The following SCAP variants were observed in gnomAD, a reference collection of about 807,000 sequenced individuals.
SCAP encodes sterol regulatory element-binding protein cleavage-activating protein.
A neutral mutation model predicts 123.6 loss-of-function variants in SCAP; 65 were observed. The observed-to-expected ratio is 0.53, with a 90% CI of 0.43 to 0.65. The LOEUF is 0.65. SCAP is among the 30% of genes least tolerant of loss of function. The pLI, the probability that SCAP is intolerant of heterozygous loss-of-function variation, is 0.00. For synonymous variants in SCAP, 740 were observed against 726.3 expected (o/e 1.02, Z -0.30); for missense variants, 1,398 against 1,712.5 (o/e 0.82, Z 3.24).
chr3:47,434,478 C>T (rs1425574981), intron 3 of SCAP, among the ~76,000 whole-genome samples: 1 of 152,204 alleles, frequency 6.6e-6, no homozygotes, highest in African/African-American at 2.4e-5. Flanking sequence ...GGCCCAGAGA[C>T]AGTCAACTGA....
At chr3:47,433,883 A>T (rs1706463964) in intron 3 of SCAP, among the ~76,000 whole-genome samples, 1 of 152,186 alleles carries the variant, frequency 6.6e-6, no homozygotes. Context: ...CAATAAAAAA[A>T]AAATGGTTAA....
intron 1 of SCAP, among the ~76,000 whole-genome samples, chr3:47,473,089 A>AAAAAAAAAAAAAAAAAAAAAAAG (rs1416676813): frequency 6.9e-6 from 1 of 145,906 alleles, no homozygotes; most frequent in Non-Finnish European, 1.5e-5. Flanking sequence ...TCAAAAAAAA[A>AAAAAAAAAAAAAAAAAAAAAAAG]AAAAAAAAAA....
chr3:47,420,216 A>G lies in SCAP; in HGVS notation c.1563+338T>C, dbSNP rs973262889. 1.1e-4 allele frequency among the ~76,000 whole-genome samples: 16 copies of G among 152,204 alleles called. No homozygotes were observed. The highest frequency in any genetic ancestry group is 2.6e-4 in the Admixed American group (4 of 15,278). Reference sequence around the variant, plus strand: ...ACTTTCCAGTGTCTGCACACCATGCAGCGGCCGATGAACCCGACCCAGGGC... The same window carrying G: ...ACTTTCCAGTGTCTGCACACCATGCGGCGGCCGATGAACCCGACCCAGGGC... On this transcript the variant is annotated intron_variant, in intron 12 of 22. Transcript: ENST00000265565. The surrounding 1 kb of genome is among the most constrained non-coding windows in gnomAD (Gnocchi z 5.0).
chr3:47,451,460 C>G (rs1410112326), intron 1 of SCAP, among the ~76,000 whole-genome samples: 1 of 105,722 alleles, frequency 9.5e-6, no homozygotes, highest in African/African-American at 3.3e-5. Flanking sequence ...TGCAGTGGCA[C>G]GATCATGGCT....
At chr3:47,442,747 A>G (rs887637220) in intron 2 of SCAP, 125 bp downstream of exon 2, 6 of 794,784 alleles carry the variant, frequency 7.5e-6, no homozygotes, top group South Asian at 3.5e-5. Context: ...TCACAGTTAT[A>G]AGGAGCCCAA....
intron 2 of SCAP, among the ~76,000 whole-genome samples, chr3:47,440,860 C>T (rs1706771426): frequency 6.6e-6 from 1 of 150,628 alleles, no homozygotes; most frequent in African/African-American, 2.4e-5. Context: ...GACCCTGTCT[C>T]AAGGAAGAAA....
chr3:47,443,316 C>G (rs538530597), intron 1 of SCAP: 2 of 230,768 alleles, frequency 8.7e-6, no homozygotes, highest in African/African-American at 5.0e-5. Context: ...TCTCTCCCTC[C>G]CCGCCCAACT....
rs1051265406 is a variant in SCAP, at chr3:47,439,084, C to T, written c.122+3788G>A. On this transcript the variant is annotated intron_variant, in intron 2 of 22. Coordinates refer to ENST00000265565, the MANE Select transcript of SCAP (RefSeq NM_012235.4). This position sits in a 1 kb window ranked among gnomAD's most constrained non-coding sequence, Gnocchi z 4.0. ...ACGATGGGGTTATGTCCTGATAACGCTGTCGTAAATTGAAAATATCCTAAG... is the reference window on the plus strand; with the variant it reads ...ACGATGGGGTTATGTCCTGATAACGTTGTCGTAAATTGAAAATATCCTAAG... 1.3e-5 allele frequency among the ~76,000 whole-genome samples: 2 copies of T among 152,066 alleles called. No homozygotes were observed. Among genetic ancestry groups the T allele is most frequent in the Non-Finnish European group, 2.9e-5 (2 of 68,030 alleles).
At chr3:47,415,735 C>G (rs899111440) in intron 18 of SCAP, among the ~76,000 whole-genome samples, 2 of 152,182 alleles carry the variant, frequency 1.3e-5, no homozygotes, top group African/African-American at 4.8e-5. Context: ...AACCCCAAAG[C>G]CTCAAAGCAG....
At chr3:47,425,824 C>T (rs555207887) in intron 7 of SCAP, among the ~76,000 whole-genome samples, 173 bp downstream of exon 7, 33 of 152,052 alleles carry the variant, frequency 2.2e-4, no homozygotes, top group African/African-American at 3.6e-4. Context: ...GGAAGAGCCC[C>T]GGCCCCACCC....
chr3:47,463,452 A>G (rs960097557), intron 1 of SCAP, among the ~76,000 whole-genome samples: 3 of 152,222 alleles, frequency 2.0e-5, no homozygotes, highest in African/African-American at 7.2e-5. Context: ...CTGTAATCCC[A>G]GCACTTTGGG....
At chr3:47,471,115 T>C (rs954491484) in intron 1 of SCAP, among the ~76,000 whole-genome samples, 1 of 152,080 alleles carries the variant, frequency 6.6e-6, no homozygotes, top group Non-Finnish European at 1.5e-5. Flanking sequence ...ATAATAAATA[T>C]TAAAAAACAA....
chr3:47,430,865 T>TG (rs1706330162), intron 3 of SCAP, among the ~76,000 whole-genome samples: 2 of 151,878 alleles, frequency 1.3e-5, no homozygotes, highest in African/African-American at 4.8e-5. Flanking sequence ...GGCATGCGTG[T>TG]GGATGAAAGG....
chr3:47,424,018 AACC>A lies in SCAP; in HGVS notation c.1062_1064del (p.Val355del). On this transcript the variant is annotated inframe_deletion, in exon 9 of 23. Coordinates refer to ENST00000265565, the MANE Select transcript of SCAP (RefSeq NM_012235.4). Reference sequence around the variant, plus strand: ...GCACCAACACATTCTCTAACCCAATAACCACCACAAGGTAGGGGAAAATCTCGC... The same window carrying A: ...GCACCAACACATTCTCTAACCCAATAACCACAAGGTAGGGGAAAATCTCGC... 3 of 1,614,038 alleles carry A rather than the reference AACC, an allele frequency of 1.9e-6. No homozygotes were observed. Among genetic ancestry groups the A allele is most frequent in the Non-Finnish European group, 2.5e-6 (3 of 1,179,926 alleles).
chr3:47,443,215 G>C (rs1335901867), intron 1 of SCAP, 124 bp from the exon 2 acceptor site: 1 of 546,808 alleles, frequency 1.8e-6, no homozygotes, highest in Admixed American at 3.3e-5. Flanking sequence ...GCAAGGTCTA[G>C]TGACCTCAAT....
rs761523075 is a variant in SCAP, at chr3:47,450,075, G to A, written c.-98-6984C>T. Among the ~76,000 whole-genome samples the A allele has an allele frequency of 4.0e-5, 5 of 125,034 alleles. 1 individual carries two copies. Among genetic ancestry groups the A allele is most frequent in the Admixed American group, 8.8e-5 (1 of 11,392 alleles). The allele number at this position is 125,034 out of a possible 152,430, so 82.0% of individuals were successfully genotyped here. A position where few individuals can be genotyped will look rare whatever the true frequency, so the allele number is the denominator to read the frequency against. ...TGCAGTGGCGTGATCTCGGCTCACC[G>A]CAACCTCCGCCTCCTGGGCTCAAGC... On this transcript the variant is annotated intron_variant, in intron 1 of 22. Transcript: ENST00000265565.
chr3:47,418,402 G>A lies in SCAP; in HGVS notation c.2250C>T (p.Arg750=), dbSNP rs149033051. 4.5e-3 allele frequency: 7,125 copies of A among 1,575,948 alleles called. 27 individuals carry two copies. The highest frequency in any genetic ancestry group is 5.5e-3 in the Middle Eastern group (33 of 6,012). Residue 750 remains arginine, a synonymous_variant, in exon 15 of 23, where the codon CGC becomes CGT. Coordinates refer to ENST00000265565, the MANE Select transcript of SCAP (RefSeq NM_012235.4). ...QLGGGPGRRR[R]GELPCDDYGY... is the part of the protein sequence containing the mutation. ...CGTAGTCGTCGCAGGGCAGCTCCCCGCGCCTCCGCCGCCCGGGCCCACCAC... is the reference window on the plus strand; with the variant it reads ...CGTAGTCGTCGCAGGGCAGCTCCCCACGCCTCCGCCGCCCGGGCCCACCAC...
chr3:47,465,977 A>T (rs1346306765), intron 1 of SCAP, among the ~76,000 whole-genome samples: 1 of 151,994 alleles, frequency 6.6e-6, no homozygotes, highest in African/African-American at 2.4e-5. Context: ...TACTAAAAAT[A>T]CAAAAATTAG....
chr3:47,414,424 G>A lies in SCAP; in HGVS notation c.3388-38C>T, dbSNP rs753835125. ...GCCAGGGGAGTGGGGTCACCATGGT[G>A]TAATACCTCTGTCAACAGTGGTGTC... On this transcript the variant is annotated intron_variant, in intron 21 of 22. Transcript: ENST00000265565. 8.7e-6 allele frequency: 14 copies of A among 1,608,420 alleles called. No homozygotes were observed. The South Asian group carries it at 1.4e-4, about 16-fold the overall frequency.
Sources: allele counts gnomAD v4.1 joint callset (sites outside exome capture counted in the v4.1 genomes callset), GRCh38; gene constraint gnomAD v4.1.1; non-coding constraint Gnocchi (gnomAD v3.1); transcripts MANE v1.5; gene names NCBI Gene and HGNC (gene_info 2026-07-23, HGNC 2026-07-21).